The following TBC1D8 variants were observed in gnomAD, a reference collection of about 807,000 sequenced individuals.
TBC1D8 encodes the protein BUB2-like protein 1.
A neutral mutation model predicts 118.8 loss-of-function variants in TBC1D8; 65 were observed. That is an observed-to-expected ratio of 0.55 (90% CI 0.45 to 0.67). The LOEUF is 0.67. Among genes scored for constraint, TBC1D8 ranks in the 30% least tolerant of loss-of-function variants. TBC1D8 has a pLI of 0.00. For synonymous variants in TBC1D8, 566 were observed against 595.8 expected (o/e 0.95, Z 0.73); for missense variants, 1,376 against 1,471.2 (o/e 0.94, Z 1.06).
intron 1 of TBC1D8, among the ~76,000 whole-genome samples, chr2:101,145,334 A>C (rs1679277048): frequency 6.6e-6 from 1 of 152,218 alleles, no homozygotes; most frequent in Non-Finnish European, 1.5e-5. Context: ...TGATCCTAAA[A>C]TCAAACTACT....
intron 2 of TBC1D8, among the ~76,000 whole-genome samples, chr2:101,079,584 C>A (rs56379554): frequency 1.3e-5 from 2 of 150,082 alleles, no homozygotes; most frequent in African/African-American, 2.5e-5. Flanking sequence ...CTATGCCACC[C>A]AAGTTGGTCT....
At chr2:101,128,150 G>A (rs575432256) in intron 1 of TBC1D8, among the ~76,000 whole-genome samples, 1 of 152,094 alleles carries the variant, frequency 6.6e-6, no homozygotes, top group Non-Finnish European at 1.5e-5. Flanking sequence ...AGGTATAGAT[G>A]TAACTGAGAA....
intron 3 of TBC1D8, among the ~76,000 whole-genome samples, chr2:101,054,637 C>G (rs980403699): frequency 8.2e-6 from 1 of 122,182 alleles, no homozygotes; most frequent in Admixed American, 8.8e-5. Flanking sequence ...CTTCTAAGCC[C>G]GGTTCTCAAA....
At chr2:101,142,730 T>C (rs1679161587) in intron 1 of TBC1D8, among the ~76,000 whole-genome samples, 1 of 152,180 alleles carries the variant, frequency 6.6e-6, no homozygotes, top group South Asian at 2.1e-4. Flanking sequence ...GAACTATGTA[T>C]TGATTACGAA....
chr2:101,141,977 T>C (rs1346246541), intron 1 of TBC1D8, among the ~76,000 whole-genome samples: 1 of 152,132 alleles, frequency 6.6e-6, no homozygotes, highest in African/African-American at 2.4e-5. Flanking sequence ...AATAGTATCT[T>C]AGTGGTTCTA....
chr2:101,149,847 G>A (rs971512688), intron 1 of TBC1D8, among the ~76,000 whole-genome samples: 1 of 152,130 alleles, frequency 6.6e-6, no homozygotes, highest in Non-Finnish European at 1.5e-5. Flanking sequence ...CCTGGAGCAG[G>A]CCCACGTGCT....
chr2:101,124,651 T>C (rs2104242258), intron 1 of TBC1D8, among the ~76,000 whole-genome samples: 1 of 152,312 alleles, frequency 6.6e-6, no homozygotes, highest in East Asian at 1.9e-4. Flanking sequence ...GAGCCCACCA[T>C]AAGCCAACCC....
Position 101,029,604 on chromosome 2 carries a change from G to A in TBC1D8, c.2109C>T (p.Phe703=), listed in dbSNP as rs773968905. 1 of 1,613,992 alleles carries A rather than the reference G, an allele frequency of 6.2e-7. No individual in the cohort carries two copies. The highest frequency in any genetic ancestry group is 8.5e-7 in the Non-Finnish European group (1 of 1,179,886). The change falls in exon 12 of 20, where the codon TTC becomes TTT. Residue 703 remains phenylalanine (F), a synonymous_variant. Coordinates refer to ENST00000409318, the MANE Select transcript of TBC1D8 (RefSeq NM_001330348.2). ...LESAVNVVDC[F]FYDGIKAIFQ... The stretch of plus-strand genomic sequence containing the variant: ...AGATGGCTTTGATGCCATCATAGAA[G>A]AAGCAGTCTACCACATTCACCGCAC...
chr2:101,054,362 G>A (rs1433956420), intron 3 of TBC1D8, 26 bp from the exon 4 acceptor site: 3 of 1,549,644 alleles, frequency 1.9e-6, no homozygotes, highest in Non-Finnish European at 2.6e-6. Flanking sequence ...GACAGTCCCT[G>A]CTCAGTGAGC....
chr2:101,081,872 C>T (rs1039809795), intron 2 of TBC1D8, among the ~76,000 whole-genome samples: 2 of 152,218 alleles, frequency 1.3e-5, no homozygotes, highest in Non-Finnish European at 2.9e-5. Context: ...GGTGTGGTGG[C>T]TCATGCCTGC....
chr2:101,086,354 T>TA (rs945215982), intron 2 of TBC1D8, among the ~76,000 whole-genome samples: 1 of 152,086 alleles, frequency 6.6e-6, no homozygotes. Context: ...AAATGAAATG[T>TA]AAAATGCATC....
At chr2:101,061,527 T>C (rs1042924348) in intron 2 of TBC1D8, among the ~76,000 whole-genome samples, 2 of 152,206 alleles carry the variant, frequency 1.3e-5, no homozygotes, top group African/African-American at 4.8e-5. Context: ...CCTTCAGTCA[T>C]CACTAAAGCC....
chr2:101,022,192 G>A, intron 16 of TBC1D8, 89 bp downstream of exon 16: 1 of 1,575,916 alleles, frequency 6.3e-7, no homozygotes, highest in South Asian at 1.2e-5. Flanking sequence ...TACACCATGT[G>A]CATCTGCCTG....
In TBC1D8 at chr2:101,050,501, C is replaced by G; in HGVS notation, c.772G>C (p.Val258Leu). The change falls in exon 5 of 20, where the codon GTC becomes CTC. Residue 258 changes from valine to leucine, a missense_variant. Transcript: ENST00000409318. ...GTCACGTCGGCCAGCTGCTCCATGA[C>G]CTTAAACACCTCATCCAGGTTCAGG... ...MFLNLDEVFK[V>L]MEQLADVTLR... is the part of the protein sequence containing the mutation. The G allele has an allele frequency of 6.2e-7, 1 of 1,613,962 alleles. No homozygotes were observed. Among genetic ancestry groups the G allele is most frequent in the Non-Finnish European group, 8.5e-7 (1 of 1,179,872 alleles).
At chr2:101,117,257 A>C (rs951115915) in intron 1 of TBC1D8, among the ~76,000 whole-genome samples, 12 of 152,136 alleles carry the variant, frequency 7.9e-5, no homozygotes, top group African/African-American at 2.9e-4. Context: ...CTAGTTGGGG[A>C]TCAGCCCTTA....
At chr2:101,054,438 G>T in intron 3 of TBC1D8, 102 bp from the exon 4 acceptor site, 1 of 1,188,338 alleles carries the variant, frequency 8.4e-7, no homozygotes, top group Non-Finnish European at 1.2e-6. Context: ...ACAGGCCCCC[G>T]AGAAGTGTGC....
chr2:101,138,350 A>T (rs570583276), intron 1 of TBC1D8, among the ~76,000 whole-genome samples: 2 of 152,224 alleles, frequency 1.3e-5, no homozygotes, highest in Non-Finnish European at 2.9e-5. Flanking sequence ...CACTAAATGT[A>T]TGGGGAGTTT....
intron 2 of TBC1D8, among the ~76,000 whole-genome samples, chr2:101,063,258 A>T (rs774037625): frequency 7.9e-5 from 12 of 152,234 alleles, no homozygotes; most frequent in Admixed American, 1.3e-4. Context: ...TTTGAGACAA[A>T]GTCATCAAAA....
chr2:101,050,061 TCG>T (rs2105411490), intron 5 of TBC1D8, among the ~76,000 whole-genome samples: 1 of 152,230 alleles, frequency 6.6e-6, no homozygotes, highest in African/African-American at 2.4e-5. Context: ...TCTCCTGACC[TCG>T]TGATCCACCC....
Sources: gnomAD v4.1 joint callset for allele counts (sites outside exome capture counted in the v4.1 genomes callset) on GRCh38, gnomAD v4.1.1 for gene constraint, MANE v1.5 for transcripts, NCBI Gene and HGNC (gene_info 2026-07-23, HGNC 2026-07-21) for gene names.